AGBL4: variants seen among roughly 807,000 people sequenced by gnomAD.
AGBL4 encodes cytosolic carboxypeptidase 6.
Under a neutral mutation model 66.4 loss-of-function variants are expected in AGBL4, and 58 were observed. The observed-to-expected ratio is 0.87, with a 90% CI of 0.71 to 1.09. The LOEUF is 1.09. AGBL4 is among the 50% of genes least tolerant of loss of function. The probability of loss-of-function intolerance (pLI) is 0.00; values close to 1 mark genes in which losing one functional copy is unlikely to be tolerated. For missense variants in AGBL4, 579 were observed against 631.0 expected (o/e 0.92, Z 0.88); for synonymous variants, 234 against 222.9 (o/e 1.05, Z -0.44).
At chr1:49,152,208 C>G (rs1399186340) in intron 4 of AGBL4, among the ~76,000 whole-genome samples, 1 of 152,202 alleles carries the variant, frequency 6.6e-6, no homozygotes, top group East Asian at 1.9e-4. Context: ...CACACTTCCT[C>G]TAACCACTAT....
chr1:48,546,409 T>C (rs1365212432), intron 11 of AGBL4, among the ~76,000 whole-genome samples: 5 of 152,146 alleles, frequency 3.3e-5, no homozygotes, highest in Admixed American at 6.5e-5. Flanking sequence ...AAAGGCTTCA[T>C]GGAGGTGCAC....
At chr1:49,003,686 C>T (rs1661564629) in intron 5 of AGBL4, among the ~76,000 whole-genome samples, 1 of 152,088 alleles carries the variant, frequency 6.6e-6, no homozygotes, top group Admixed American at 6.5e-5. Context: ...ATGAGTCTTG[C>T]CTCCCACACT....
rs183016095 is a variant in AGBL4 at position 49,133,922 on chromosome 1, C to G, written c.378-88122G>C. On this transcript the variant is annotated intron_variant, in intron 4 of 13. Transcript: ENST00000371839. Reference sequence around the variant, plus strand: ...ATACATATGTATATATGTGTATATTCTAATACATATATATATATATGTATC... The same window carrying G: ...ATACATATGTATATATGTGTATATTGTAATACATATATATATATATGTATC... Among the ~76,000 whole-genome samples, 5 of 151,926 alleles carry G rather than the reference C, an allele frequency of 3.3e-5. No homozygotes were observed. The East Asian group carries it at 9.7e-4, about 29-fold the overall frequency.
chr1:48,539,289 GA>G (rs921335444), intron 12 of AGBL4, among the ~76,000 whole-genome samples: 2 of 152,184 alleles, frequency 1.3e-5, no homozygotes, highest in Admixed American at 1.3e-4. Flanking sequence ...AAGGATCAGA[GA>G]AGTTCATATA....
chr1:49,722,876 C>T (rs1648718878), intron 2 of AGBL4, among the ~76,000 whole-genome samples: 1 of 152,024 alleles, frequency 6.6e-6, no homozygotes, highest in African/African-American at 2.4e-5. Flanking sequence ...GGAATGTGAG[C>T]CCCTTTTAAA....
intron 4 of AGBL4, among the ~76,000 whole-genome samples, chr1:49,170,220 T>A (rs1012575740): frequency 6.8e-6 from 1 of 146,846 alleles, no homozygotes; most frequent in Non-Finnish European, 1.5e-5. Context: ...TATATTCATA[T>A]AAATATGTTA....
intron 3 of AGBL4, among the ~76,000 whole-genome samples, chr1:49,369,651 G>C (rs1042121415): frequency 2.0e-5 from 3 of 151,968 alleles, no homozygotes; most frequent in Admixed American, 1.3e-4. Flanking sequence ...AAATTCACAG[G>C]GTCCTCTCAA....
At chr1:48,612,415 G>T (rs1322197613) in intron 9 of AGBL4, among the ~76,000 whole-genome samples, 2 of 152,212 alleles carry the variant, frequency 1.3e-5, no homozygotes, top group East Asian at 3.8e-4. Flanking sequence ...CTGGATGGCT[G>T]GGGCAGAGAA....
At chr1:48,713,538 G>T (rs1321775583) in intron 6 of AGBL4, among the ~76,000 whole-genome samples, 1 of 152,174 alleles carries the variant, frequency 6.6e-6, no homozygotes, top group Non-Finnish European at 1.5e-5. Flanking sequence ...GAAGGGTATG[G>T]TGAGTTCTGT....
intron 11 of AGBL4, among the ~76,000 whole-genome samples, chr1:48,560,813 T>C (rs1181809674): frequency 6.6e-6 from 1 of 152,248 alleles, no homozygotes; most frequent in Non-Finnish European, 1.5e-5. Flanking sequence ...AACTCATATA[T>C]GATTAGCAAT....
chr1:49,225,357 C>T (rs1649833922), intron 4 of AGBL4, among the ~76,000 whole-genome samples: 1 of 152,220 alleles, frequency 6.6e-6, no homozygotes, highest in African/African-American at 2.4e-5. Flanking sequence ...TTAGAATGCT[C>T]TGCTCAATAT....
chr1:48,774,899 A>G (rs758827890), intron 6 of AGBL4, among the ~76,000 whole-genome samples: 6 of 152,198 alleles, frequency 3.9e-5, no homozygotes, highest in Non-Finnish European at 7.4e-5. Context: ...ACTCTCTTTA[A>G]CACATCACTT....
intron 6 of AGBL4, among the ~76,000 whole-genome samples, chr1:48,778,135 A>ACATC (rs34372698): frequency 0.46 from 68,368 of 148,594 alleles, 15,822 homozygotes; most frequent in Non-Finnish European, 0.49. Context: ...ATAAAAACCC[A>ACATC]CATCCATCCA....
chr1:48,696,098 T>C (rs1646710082), intron 6 of AGBL4, among the ~76,000 whole-genome samples: 1 of 152,060 alleles, frequency 6.6e-6, no homozygotes, highest in African/African-American at 2.4e-5. Flanking sequence ...GCTTCTTCTG[T>C]CCCAGGACAG....
At chr1:49,814,054 C>A (rs1167806720) in intron 2 of AGBL4, among the ~76,000 whole-genome samples, 2 of 152,114 alleles carry the variant, frequency 1.3e-5, no homozygotes, top group East Asian at 3.9e-4. Context: ...CCTTTTTCGC[C>A]TTCTGCCATG....
chr1:49,774,461 T>C (rs1644146203), intron 2 of AGBL4, among the ~76,000 whole-genome samples: 1 of 152,164 alleles, frequency 6.6e-6, no homozygotes. Flanking sequence ...AGTTGTTTAT[T>C]CAATGTTTTG....
At chr1:48,934,170 A>G (rs532328275) in intron 5 of AGBL4, among the ~76,000 whole-genome samples, 27 of 152,302 alleles carry the variant, frequency 1.8e-4, no homozygotes, top group Admixed American at 8.5e-4. Context: ...TGATTCAATA[A>G]TGCACGTGTC....
chr1:48,592,577 AAG>A (rs1193368161), intron 9 of AGBL4, among the ~76,000 whole-genome samples: 4 of 152,208 alleles, frequency 2.6e-5, no homozygotes, highest in Non-Finnish European at 4.4e-5. Flanking sequence ...AGCCCTATAA[AAG>A]TCATCTTCAC....
chr1:49,479,813 T>G (rs1346271758), intron 3 of AGBL4, among the ~76,000 whole-genome samples: 2 of 151,468 alleles, frequency 1.3e-5, no homozygotes, highest in African/African-American at 4.8e-5. Context: ...ACCATTCTCC[T>G]GCCTCAGCCT....
Sources: allele counts gnomAD v4.1 joint callset (sites outside exome capture counted in the v4.1 genomes callset), GRCh38; gene constraint gnomAD v4.1.1; transcripts MANE v1.5; gene names NCBI Gene and HGNC (gene_info 2026-07-23, HGNC 2026-07-21).